Variants in TBX3 observed in about 807,000 individuals in gnomAD.
TBX3 encodes T-box transcription factor 3.
In TBX3, 11 loss-of-function variants were observed where a neutral mutation model predicts 47.8. That is an observed-to-expected ratio of 0.23 (90% CI 0.14 to 0.38). TBX3 has a LOEUF of 0.38. Ranked by LOEUF, TBX3 falls within the 10% of genes least tolerant of loss-of-function variation. TBX3 has a pLI of 1.00. For missense variants in TBX3, 927 were observed against 1,022.8 expected, an observed-to-expected ratio of 0.91 and a Z score of 1.28; for synonymous variants, 500 against 449.3, an observed-to-expected ratio of 1.11 and a Z score of -1.43.
rs1396893876 is a variant in TBX3, at chr12:114,676,393, G to A, written c.959C>T (p.Ser320Phe). The stretch of plus-strand genomic sequence containing the variant: ...GCAGTTGAAAGCTGCTTGTTCACTG[G>A]AGGACTCATCAGAGGTCCCATTCTC... Reference protein sequence around the residue: ...KKENGTSDESSSEQAAFNCFA... With the variant: ...KKENGTSDESFSEQAAFNCFA... Residue 320 changes from serine to phenylalanine, a missense_variant, in exon 5 of 7, where the codon TCC becomes TTC. By Grantham distance (155) the Ser-to-Phe change is radical. This residue lies in a region of TBX3 where 44 missense variants were observed against 59.3 expected (regional missense o/e 0.74). Coordinates refer to ENST00000349155, the MANE Select transcript of TBX3 (RefSeq NM_005996.4). 1.2e-6 allele frequency: 2 copies of A among 1,614,086 alleles called. No individual in the cohort carries two copies. Among genetic ancestry groups the A allele is most frequent in the African/African-American group, 1.3e-5 (1 of 74,932 alleles).
At chr12:114,679,440 C>A (rs1305489851) in intron 3 of TBX3, 65 bp downstream of exon 3, 55 of 1,608,378 alleles carry the variant, frequency 3.4e-5, no homozygotes, top group Non-Finnish European at 4.6e-5. Context: ...CTCATCCTGA[C>A]TTAAAGCAGC....
chr12:114,674,909 C>T, intron 5 of TBX3, 74 bp from the exon 6 acceptor site: 1 of 1,526,348 alleles, frequency 6.6e-7, no homozygotes, highest in Non-Finnish European at 8.8e-7. Flanking sequence ...CTCCAGTTCC[C>T]AAGTTGGAAT....
chr12:114,682,517 C>CTT (rs34428684), intron 1 of TBX3, among the ~76,000 whole-genome samples: 5 of 145,546 alleles, frequency 3.4e-5, no homozygotes, highest in African/African-American at 5.0e-5. Flanking sequence ...AGTAGAGTGC[C>CTT]TTTTTTTTTT....
rs749869983 is a variant in TBX3, at chr12:114,677,659, A to G, written c.805-3T>C. Reference sequence around the variant, plus strand: ...TTGTCTATTTTTAACTGGGTTATCTATTGGAAGAGACACAAGCAAGACAGA... The same window carrying G: ...TTGTCTATTTTTAACTGGGTTATCTGTTGGAAGAGACACAAGCAAGACAGA... On this transcript the variant is annotated splice_polypyrimidine_tract_variant and splice_region_variant and intron_variant, in intron 3 of 6. Transcript: ENST00000349155. 6 of 1,613,820 alleles carry G rather than the reference A, an allele frequency of 3.7e-6. No homozygotes were observed. The South Asian group carries it at 6.6e-5, about 18-fold the overall frequency.
At chr12:114,676,257 C>T (rs1868703732) in intron 5 of TBX3, 56 bp downstream of exon 5, 2 of 1,610,358 alleles carry the variant, frequency 1.2e-6, no homozygotes, top group Admixed American at 3.3e-5. Flanking sequence ...CCCCCTTCAA[C>T]TCTTCCAGGC....
chr12:114,672,323 C>A, intron 6 of TBX3, 21 bp from the exon 7 acceptor site: 1 of 1,512,570 alleles, frequency 6.6e-7, no homozygotes. Context: ...AAAAGAGACA[C>A]ACAGCGAGTC....
At position 114,683,410 on chromosome 12, in the gene TBX3, C is replaced by A; in HGVS notation, c.-210G>T. On this transcript the variant is annotated 5_prime_UTR_variant, in exon 1 of 7. Transcript: ENST00000349155. This position sits in a 1 kb window ranked among gnomAD's most constrained non-coding sequence, Gnocchi z 7.7. Reference sequence around the variant, plus strand: ...AAGTGTCTTTTGGAGAATGGGAGGCCGCTTTTAAAGAGGGCAAGGCGAAAA... The same window carrying A: ...AAGTGTCTTTTGGAGAATGGGAGGCAGCTTTTAAAGAGGGCAAGGCGAAAA... 1 of 662,288 alleles carries A rather than the reference C, an allele frequency of 1.5e-6. No homozygotes were observed. The highest frequency in any genetic ancestry group is 2.4e-6 in the Non-Finnish European group (1 of 409,236). The allele number at this position is 662,288 out of a possible 1,614,324, so 41.0% of individuals were successfully genotyped here.
Position 114,679,556 on chromosome 12 carries a change from G to A in TBX3, c.753C>T (p.Tyr251=). The change falls in exon 3 of 7, where the codon TAC becomes TAT. Residue 251 remains tyrosine (Y), a synonymous_variant. Transcript: ENST00000349155. The part of the protein sequence containing the change: ...LKLPYSTFRT[Y]LFPETEFIAV... ...CGATGAATTCAGTTTCGGGGAACAA[G>A]TATGTCCGAAATGTACTATAAGGGA... is the stretch of plus-strand genomic sequence containing the variant. The A allele has an allele frequency of 8.1e-6, 13 of 1,614,232 alleles. No homozygotes were observed. The highest frequency in any genetic ancestry group is 1.1e-5 in the Non-Finnish European group (13 of 1,180,034).
chr12:114,678,698 G>A (rs1236799556), intron 3 of TBX3, among the ~76,000 whole-genome samples: 1 of 152,202 alleles, frequency 6.6e-6, no homozygotes, highest in Admixed American at 6.5e-5. Context: ...GGGGTCTTCA[G>A]TCCCTCCTCC....
Position 114,682,928 on chromosome 12 carries a change from C to T in TBX3, c.273G>A (p.Lys91=). The T allele has an allele frequency of 6.2e-7, 1 of 1,614,146 alleles. No homozygotes were observed. Among genetic ancestry groups the T allele is most frequent in the Non-Finnish European group, 8.5e-7 (1 of 1,180,026 alleles). Residue 91 remains lysine (K), a synonymous_variant, in exon 1 of 7, where the codon AAG becomes AAA. Coordinates refer to ENST00000349155, the MANE Select transcript of TBX3 (RefSeq NM_005996.4). ...LGPQAHLRPL[K]TMEPEEEVED... is the part of the protein sequence containing the mutation. ...CCACCTCTTCTTCGGGCTCCATGGTCTTCAAAGGCCTCAGATGCGCCTGGG... is the reference window on the plus strand; with the variant it reads ...CCACCTCTTCTTCGGGCTCCATGGTTTTCAAAGGCCTCAGATGCGCCTGGG...
rs1868998787 is a variant in TBX3, at chr12:114,682,873, T to C, written c.328A>G (p.Lys110Glu). The C allele has an allele frequency of 5.0e-6, 8 of 1,614,042 alleles. No individual in the cohort carries two copies. The highest frequency in any genetic ancestry group is 6.8e-6 in the Non-Finnish European group (8 of 1,180,020). The change falls in exon 1 of 7, where the codon AAA becomes GAA. Residue 110 changes from lysine to glutamate, a missense_variant. This residue lies in a region of TBX3 where 216 missense variants were observed against 281.2 expected (regional missense o/e 0.77). Transcript: ENST00000349155. ...TTGTGAAACTGATCCCAAAGTTCTT[T>C]AGCCTCCAGGTGCACCTTGGGGTCG... ...EDDPKVHLEA[K>E]ELWDQFHKRG... is the part of the protein sequence containing the mutation.
Position 114,672,306 on chromosome 12 carries a change from G to T in TBX3, c.1711-4C>A. On this transcript the variant is annotated splice_region_variant and splice_polypyrimidine_tract_variant and intron_variant, in intron 6 of 6. Transcript: ENST00000349155. Reference sequence around the variant, plus strand: ...CGAAAGGGGACATGGCCAGGCCCTGGGGTGAGAAAAGAGACACACAGCGAG... The same window carrying T: ...CGAAAGGGGACATGGCCAGGCCCTGTGGTGAGAAAAGAGACACACAGCGAG... 5 of 1,541,040 alleles carry T rather than the reference G, an allele frequency of 3.2e-6. No individual in the cohort carries two copies. The highest frequency in any genetic ancestry group is 3.5e-6 in the Non-Finnish European group (4 of 1,146,542).
chr12:114,679,992 C>T, intron 2 of TBX3: 1 of 1,613,828 alleles, frequency 6.2e-7, no homozygotes, highest in Non-Finnish European at 8.5e-7. Flanking sequence ...TAGAGAAAAA[C>T]ATGCATTTTA....
intron 3 of TBX3, among the ~76,000 whole-genome samples, chr12:114,678,661 C>T (rs1031801044): frequency 6.6e-6 from 1 of 152,214 alleles, no homozygotes; most frequent in Non-Finnish European, 1.5e-5. Context: ...AAAATGGACT[C>T]TCTTTGAAGT....
chr12:114,681,839 A>C (rs192246653), intron 1 of TBX3, among the ~76,000 whole-genome samples: 34 of 152,366 alleles, frequency 2.2e-4, no homozygotes, highest in African/African-American at 7.7e-4. Context: ...AAGGGTTGGC[A>C]TTCTGTAGTC....
At chr12:114,677,499 T>G in intron 4 of TBX3, 81 bp downstream of exon 4, 1 of 1,365,950 alleles carries the variant, frequency 7.3e-7, no homozygotes, top group Middle Eastern at 2.0e-4. Flanking sequence ...AGTGCCTGCA[T>G]CTCACTTCTA....
chr12:114,677,782 G>T, intron 3 of TBX3, 126 bp from the exon 4 acceptor site: 1 of 849,778 alleles, frequency 1.2e-6, no homozygotes. Context: ...AGATATGCCA[G>T]GGAAAGGAGA....
chr12:114,676,491 C>G, intron 4 of TBX3, 21 bp from the exon 5 acceptor site: 1 of 1,614,142 alleles, frequency 6.2e-7, no homozygotes. Flanking sequence ...AGCCCACACC[C>G]AGGTTACAGA....
chr12:114,676,165 CT>C, intron 5 of TBX3, 147 bp downstream of exon 5: 2 of 1,025,600 alleles, frequency 2.0e-6, no homozygotes, highest in Non-Finnish European at 2.9e-6. Flanking sequence ...CCTGATAGCC[CT>C]TTTTGAACTC....
Sources: gnomAD v4.1 joint callset for allele counts (sites outside exome capture counted in the v4.1 genomes callset) on GRCh38, gnomAD v4.1.1 for gene constraint, gnomAD v4.1.1 regional missense constraint, Gnocchi (gnomAD v3.1) non-coding constraint, MANE v1.5 for transcripts, NCBI Gene and HGNC (gene_info 2026-07-23, HGNC 2026-07-21) for gene names.